ARID5B: variants seen among roughly 807,000 people sequenced by gnomAD.
The protein encoded by ARID5B is AT-rich interactive domain-containing protein 5B.
In ARID5B, 13 loss-of-function variants were observed where a neutral mutation model predicts 97.2. That is an observed-to-expected ratio of 0.13 (90% CI 0.09 to 0.21). ARID5B has a LOEUF of 0.21. ARID5B is among the 10% of genes least tolerant of loss of function. The pLI is 1.00. For synonymous variants in ARID5B, 556 were observed against 570.3 expected (o/e 0.97, Z 0.36); for missense variants, 1,210 against 1,465.3 (o/e 0.83, Z 2.84).
At chr10:62,020,707 T>C (rs1839344201) in intron 4 of ARID5B, among the ~76,000 whole-genome samples, 1 of 152,126 alleles carries the variant, frequency 6.6e-6, no homozygotes, top group Non-Finnish European at 1.5e-5. Flanking sequence ...AGAGTGCTTT[T>C]AGCTTTTTTA....
At chr10:61,949,527 C>T (rs941953403) in intron 3 of ARID5B, among the ~76,000 whole-genome samples, 8 of 152,154 alleles carry the variant, frequency 5.3e-5, no homozygotes, top group African/African-American at 9.7e-5. Context: ...ATCCCAGCTA[C>T]TTGGGAGGCT....
At chr10:61,975,875 A>G (rs1004903955) in intron 3 of ARID5B, among the ~76,000 whole-genome samples, 6 of 152,210 alleles carry the variant, frequency 3.9e-5, no homozygotes, top group African/African-American at 1.4e-4. Flanking sequence ...TTGAGTATGG[A>G]AACAATTTTC....
intron 3 of ARID5B, among the ~76,000 whole-genome samples, chr10:61,963,221 C>A (rs981959552): frequency 6.6e-6 from 1 of 152,168 alleles, no homozygotes; most frequent in African/African-American, 2.4e-5. Flanking sequence ...TGATTCCTTT[C>A]TTCTGAATGA....
chr10:62,049,937 T>C (rs1839763643), intron 4 of ARID5B, among the ~76,000 whole-genome samples: 2 of 152,224 alleles, frequency 1.3e-5, no homozygotes, highest in South Asian at 4.1e-4. Context: ...ATTCATTAGC[T>C]TGGAGTCATT....
chr10:62,013,793 G>GCAAAAATT (rs1839248570), intron 4 of ARID5B, among the ~76,000 whole-genome samples: 2 of 64,500 alleles, frequency 3.1e-5, no homozygotes, highest in African/African-American at 7.0e-5. Flanking sequence ...TATTCCATTG[G>GCAAAAATT]GTATATATAT....
chr10:62,031,173 G>A (rs1589265849), intron 4 of ARID5B, among the ~76,000 whole-genome samples: 1 of 152,232 alleles, frequency 6.6e-6, no homozygotes, highest in African/African-American at 2.4e-5. Flanking sequence ...GGCGGAGGTT[G>A]CAGTAAGCCA....
chr10:62,060,361 T>G (rs1839906678), intron 7 of ARID5B, among the ~76,000 whole-genome samples: 1 of 152,196 alleles, frequency 6.6e-6, no homozygotes, highest in Admixed American at 6.5e-5. Flanking sequence ...TGCTATGAAT[T>G]CCGACTAAAA....
At chr10:61,945,112 C>T (rs920744968) in intron 3 of ARID5B, among the ~76,000 whole-genome samples, 1 of 152,140 alleles carries the variant, frequency 6.6e-6, no homozygotes, top group Non-Finnish European at 1.5e-5. Context: ...CTTGGCTCTA[C>T]ATGTAGATCT....
At chr10:62,048,151 G>A (rs1197650606) in intron 4 of ARID5B, among the ~76,000 whole-genome samples, 1 of 152,252 alleles carries the variant, frequency 6.6e-6, no homozygotes, top group Non-Finnish European at 1.5e-5. Flanking sequence ...TATACCACGT[G>A]TGAGGTTGGC....
At chr10:61,952,191 T>C (rs953903629) in intron 3 of ARID5B, among the ~76,000 whole-genome samples, 2 of 152,216 alleles carry the variant, frequency 1.3e-5, no homozygotes, top group Non-Finnish European at 2.9e-5. Context: ...CTCAGTCCCC[T>C]GCCTTCCAAA....
At chr10:62,015,649 A>C (rs1435087240) in intron 4 of ARID5B, among the ~76,000 whole-genome samples, 3 of 151,896 alleles carry the variant, frequency 2.0e-5, no homozygotes, top group South Asian at 2.1e-4. Flanking sequence ...TTTGAGACAG[A>C]GTCTTGCTCT....
At chr10:62,017,335 C>G (rs1839296913) in intron 4 of ARID5B, among the ~76,000 whole-genome samples, 1 of 152,020 alleles carries the variant, frequency 6.6e-6, no homozygotes, top group Non-Finnish European at 1.5e-5. Flanking sequence ...CCCCGTAATC[C>G]TAGCTACTGA....
intron 4 of ARID5B, among the ~76,000 whole-genome samples, chr10:62,020,370 C>A (rs1201119411): frequency 6.6e-6 from 1 of 152,166 alleles, no homozygotes; most frequent in Non-Finnish European, 1.5e-5. Context: ...TCCCCTCCCC[C>A]ATCTGTGTTT....
intron 2 of ARID5B, among the ~76,000 whole-genome samples, chr10:61,935,918 A>C (rs776426949): frequency 6.6e-6 from 1 of 151,996 alleles, no homozygotes; most frequent in African/African-American, 2.4e-5. Context: ...TTCTGCATTC[A>C]CTCTGTTGTG....
At chr10:61,927,389 C>T (rs967335695) in intron 2 of ARID5B, among the ~76,000 whole-genome samples, 1 of 152,090 alleles carries the variant, frequency 6.6e-6, no homozygotes, top group Non-Finnish European at 1.5e-5. Flanking sequence ...TAAAATAACA[C>T]AGTAGAGCTG....
In ARID5B at chr10:61,976,222, A is replaced by G. The variant is rs117142812; in HGVS notation, c.503-23869A>G. ...GTTGACCACTTGAAATGTGGCTAATATGACTGAGAAACTGAATTTTTAGTG... is the reference window on the plus strand; with the variant it reads ...GTTGACCACTTGAAATGTGGCTAATGTGACTGAGAAACTGAATTTTTAGTG... On this transcript the variant is annotated intron_variant, in intron 3 of 9. Transcript: ENST00000279873. Among the ~76,000 whole-genome samples the G allele has an allele frequency of 8.4e-3, 1,277 of 152,360 alleles. 8 individuals carry two copies. The highest frequency in any genetic ancestry group is 0.014 in the Non-Finnish European group (965 of 68,028).
chr10:62,050,571 A>AAATG (rs1434930238), intron 4 of ARID5B, among the ~76,000 whole-genome samples: 1 of 152,360 alleles, frequency 6.6e-6, no homozygotes, highest in East Asian at 1.9e-4. Flanking sequence ...TTTCAGCACC[A>AAATG]AATGCTTCTT....
chr10:61,988,112 G>A (rs1377267696), intron 3 of ARID5B, among the ~76,000 whole-genome samples: 1 of 152,034 alleles, frequency 6.6e-6, no homozygotes, highest in Non-Finnish European at 1.5e-5. Flanking sequence ...AGCTTTCAAT[G>A]ATGTTCTTCC....
intron 3 of ARID5B, among the ~76,000 whole-genome samples, chr10:61,984,585 A>G (rs1838821606): frequency 6.6e-6 from 1 of 152,220 alleles, no homozygotes; most frequent in Non-Finnish European, 1.5e-5. Flanking sequence ...CAGCTGAGTG[A>G]AAGGAGGAAG....
Sources: gnomAD v4.1 joint callset for allele counts (sites outside exome capture counted in the v4.1 genomes callset) on GRCh38, gnomAD v4.1.1 for gene constraint, MANE v1.5 for transcripts, NCBI Gene and HGNC (gene_info 2026-07-23, HGNC 2026-07-21) for gene names.